The following DPP6 variants were observed in gnomAD, a reference collection of about 807,000 sequenced individuals.
DPP6 encodes the protein A-type potassium channel modulatory protein DPP6.
In DPP6, 69 loss-of-function variants were observed where a neutral mutation model predicts 122.6. The observed-to-expected ratio is 0.56, with a 90% CI of 0.46 to 0.69. The LOEUF is 0.69. Among genes scored for constraint, DPP6 ranks in the 30% least tolerant of loss-of-function variants. The pLI is 0.00. For synonymous variants in DPP6, 418 were observed against 433.1 expected, an observed-to-expected ratio of 0.97 and a Z score of 0.43; for missense variants, 928 against 1,116.9, an observed-to-expected ratio of 0.83 and a Z score of 2.41.
intron 7 of DPP6, among the ~76,000 whole-genome samples, chr7:154,702,682 G>A (rs34645379): frequency 0.026 from 4,005 of 152,326 alleles, 63 homozygotes; most frequent in Non-Finnish European, 0.04. Context: ...GCTAACAGAG[G>A]GTGGTTCATG....
intron 1 of DPP6, among the ~76,000 whole-genome samples, chr7:154,435,188 G>C (rs1381945080): frequency 2.6e-5 from 4 of 152,052 alleles, no homozygotes; most frequent in Non-Finnish European, 5.9e-5. Flanking sequence ...GTTTGTGTGA[G>C]AGAGAGTGGC....
intron 1 of DPP6, among the ~76,000 whole-genome samples, chr7:154,338,730 C>T (rs921514553): frequency 6.6e-6 from 1 of 152,218 alleles, no homozygotes; most frequent in Admixed American, 6.5e-5. Flanking sequence ...ACAGAACCCC[C>T]ATTGAATAGA....
chr7:154,846,185 T>C (rs868605575), intron 16 of DPP6, among the ~76,000 whole-genome samples: 3 of 149,882 alleles, frequency 2.0e-5, no homozygotes, highest in African/African-American at 7.3e-5. Flanking sequence ...AAAATATACA[T>C]ATATAATGTA....
chr7:153,838,094 G>A, the DPP6 span, among the ~76,000 whole-genome samples: 1 of 151,914 alleles, frequency 6.6e-6, no homozygotes, highest in Non-Finnish European at 1.5e-5. Flanking sequence ...TCATAATAGG[G>A]CCAGTATAAA....
chr7:154,207,854 C>A (rs1256803204), intron 1 of DPP6, among the ~76,000 whole-genome samples: 1 of 151,952 alleles, frequency 6.6e-6, no homozygotes, highest in Non-Finnish European at 1.5e-5. Flanking sequence ...ACTCGAGAGG[C>A]TGAGGCAGGA....
chr7:154,630,733 A>G (rs1398656879), intron 5 of DPP6, among the ~76,000 whole-genome samples: 2 of 152,152 alleles, frequency 1.3e-5, no homozygotes, highest in African/African-American at 4.8e-5. Flanking sequence ...GAGTTGAACA[A>G]TAAGAACACA....
the DPP6 span, among the ~76,000 whole-genome samples, chr7:153,818,219 C>T: frequency 0.029 from 4,468 of 151,960 alleles, 223 homozygotes; most frequent in African/African-American, 0.1. Context: ...AGAGAGACAT[C>T]GTTTTATGCC....
At chr7:154,773,318 G>A (rs1298642508) in intron 10 of DPP6, among the ~76,000 whole-genome samples, 1 of 152,128 alleles carries the variant, frequency 6.6e-6, no homozygotes, top group Non-Finnish European at 1.5e-5. Context: ...GCATTTTTTA[G>A]AGCATGGAGC....
At chr7:153,809,189 GTCT>G in the DPP6 span, among the ~76,000 whole-genome samples, 1 of 152,096 alleles carries the variant, frequency 6.6e-6, no homozygotes, top group African/African-American at 2.4e-5. Context: ...ATCTCCGTAT[GTCT>G]TCTTTGGAAG....
chr7:153,787,973 G>T, the DPP6 span, among the ~76,000 whole-genome samples: 1 of 151,636 alleles, frequency 6.6e-6, no homozygotes, highest in African/African-American at 2.4e-5. Context: ...CACATTAATG[G>T]TTCGGGACTG....
At chr7:154,169,040 C>A (rs939087382) in intron 1 of DPP6, among the ~76,000 whole-genome samples, 1 of 152,144 alleles carries the variant, frequency 6.6e-6, no homozygotes, top group Admixed American at 6.5e-5. Flanking sequence ...TTAGGGACAG[C>A]GGGATGGGGG....
chr7:154,703,891 C>T (rs867386344), intron 7 of DPP6, among the ~76,000 whole-genome samples: 6 of 151,544 alleles, frequency 4.0e-5, no homozygotes, highest in African/African-American at 1.2e-4. Context: ...GAGCCAAGAT[C>T]GCGCCACTGC....
At chr7:154,745,958 GGGGACAGGAA>G (rs1292192689) in intron 8 of DPP6, among the ~76,000 whole-genome samples, 2 of 152,170 alleles carry the variant, frequency 1.3e-5, no homozygotes, top group Non-Finnish European at 2.9e-5. Flanking sequence ...GAAGTTTGGA[GGGGACAGGAA>G]GCCAGGCCAT....
At chr7:154,256,312 A>G (rs1802656914) in intron 1 of DPP6, among the ~76,000 whole-genome samples, 1 of 152,190 alleles carries the variant, frequency 6.6e-6, no homozygotes, top group South Asian at 2.1e-4. Context: ...TTTAGTAAGT[A>G]CACCATGCAG....
chr7:153,779,179 A>G, the DPP6 span, among the ~76,000 whole-genome samples: 3 of 148,278 alleles, frequency 2.0e-5, no homozygotes, highest in Admixed American at 2.0e-4. Context: ...TCATTTTCCA[A>G]TAGAAGGAAC....
chr7:154,286,960 G>A (rs1454464472), intron 1 of DPP6, among the ~76,000 whole-genome samples: 1 of 152,028 alleles, frequency 6.6e-6, no homozygotes. Flanking sequence ...GCACTACCAT[G>A]CCCGGCTAAT....
chr7:154,420,972 C>T (rs1310288675), intron 1 of DPP6, among the ~76,000 whole-genome samples: 3 of 151,800 alleles, frequency 2.0e-5, no homozygotes, highest in Non-Finnish European at 4.4e-5. Flanking sequence ...GTGTTCTTAC[C>T]ACAATAAAAC....
rs150095117 is a variant in DPP6 at position 154,446,562 on chromosome 7, A to G, written c.358+234A>G. Among the ~76,000 whole-genome samples the G allele has an allele frequency of 3.4e-3, 525 of 152,346 alleles. 1 individual carries two copies. The highest frequency in any genetic ancestry group is 0.012 in the African/African-American group (501 of 41,586). ...GAAATGCTTGGCATATATTAAAATTACTTATACAATCACTTATTCATGCTT... is the reference window on the plus strand; with the variant it reads ...GAAATGCTTGGCATATATTAAAATTGCTTATACAATCACTTATTCATGCTT... On this transcript the variant is annotated intron_variant, in intron 2 of 25. Coordinates refer to ENST00000377770, the MANE Select transcript of DPP6 (RefSeq NM_130797.4).
Position 154,833,521 on chromosome 7 carries a change from A to G in DPP6, c.1667-20259A>G, listed in dbSNP as rs1388233032. Reference sequence around the variant, plus strand: ...GTGTAAATTATTTATTATCTGAAACACTCAGAGCAGGACCTGTTGCTGGTA... The same window carrying G: ...GTGTAAATTATTTATTATCTGAAACGCTCAGAGCAGGACCTGTTGCTGGTA... On this transcript the variant is annotated intron_variant, in intron 16 of 25. Coordinates refer to ENST00000377770, the MANE Select transcript of DPP6 (RefSeq NM_130797.4). The surrounding 1 kb of genome is among the most constrained non-coding windows in gnomAD (Gnocchi z 4.3). Among the ~76,000 whole-genome samples the G allele has an allele frequency of 6.6e-6, 1 of 152,060 alleles. No individual in the cohort carries two copies. The highest frequency in any genetic ancestry group is 1.5e-5 in the Non-Finnish European group (1 of 68,018).
Sources: allele counts gnomAD v4.1 joint callset (sites outside exome capture counted in the v4.1 genomes callset), GRCh38; gene constraint gnomAD v4.1.1; non-coding constraint Gnocchi (gnomAD v3.1); transcripts MANE v1.5; gene names NCBI Gene and HGNC (gene_info 2026-07-23, HGNC 2026-07-21).